The following GAS7 variants were observed in gnomAD, a reference collection of about 807,000 sequenced individuals.
GAS7 encodes the protein growth arrest-specific protein 7.
Under a neutral mutation model 71.1 loss-of-function variants are expected in GAS7, and 28 were observed. That is an observed-to-expected ratio of 0.39 (90% confidence interval 0.29 to 0.54). The LOEUF is 0.54. GAS7 is among the 20% of genes least tolerant of loss of function. The pLI is 0.62. For missense variants in GAS7, 436 were observed against 627.8 expected, an observed-to-expected ratio of 0.69 and a Z score of 3.27; for synonymous variants, 258 against 245.8, an observed-to-expected ratio of 1.05 and a Z score of -0.46.
chr17:10,049,046 G>T (rs754317657), intron 1 of GAS7, among the ~76,000 whole-genome samples: 1 of 152,216 alleles, frequency 6.6e-6, no homozygotes, highest in Non-Finnish European at 1.5e-5. Flanking sequence ...CATGTGTGAG[G>T]AGCACGCATA....
At chr17:10,111,974 C>T (rs2073817785) in intron 1 of GAS7, among the ~76,000 whole-genome samples, 1 of 152,098 alleles carries the variant, frequency 6.6e-6, no homozygotes, top group African/African-American at 2.4e-5. Context: ...CACATACAGC[C>T]CCTCAATATA....
At chr17:10,114,944 C>T (rs558268604) in intron 1 of GAS7, among the ~76,000 whole-genome samples, 1 of 152,292 alleles carries the variant, frequency 6.6e-6, no homozygotes, top group Admixed American at 6.5e-5. Flanking sequence ...GCTGCCTCCT[C>T]GCTCTGCCTC....
intron 1 of GAS7, among the ~76,000 whole-genome samples, chr17:10,158,829 A>T (rs1256192826): frequency 1.3e-5 from 2 of 151,628 alleles, no homozygotes; most frequent in African/African-American, 2.4e-5. Flanking sequence ...CCAAGGTGGG[A>T]GGATCATTTG....
chr17:10,122,894 G>T (rs1172463197), intron 1 of GAS7, among the ~76,000 whole-genome samples: 18 of 152,154 alleles, frequency 1.2e-4, no homozygotes, highest in Admixed American at 1.2e-3. Context: ...GCAGTGGCGT[G>T]ATCATGGCTC....
chr17:10,157,775 C>T (rs1448106355), intron 1 of GAS7, among the ~76,000 whole-genome samples: 1 of 152,184 alleles, frequency 6.6e-6, no homozygotes, highest in Non-Finnish European at 1.5e-5. Flanking sequence ...TTAGACATAT[C>T]ACCCTTAGGC....
intron 11 of GAS7, among the ~76,000 whole-genome samples, chr17:9,921,722 G>A (rs1467800811): frequency 6.6e-6 from 1 of 152,136 alleles, no homozygotes; most frequent in Non-Finnish European, 1.5e-5. Context: ...CACTTTGGGA[G>A]GCCGAGGCGG....
chr17:10,019,186 A>T (rs1031194931), intron 2 of GAS7, among the ~76,000 whole-genome samples: 4 of 152,126 alleles, frequency 2.6e-5, no homozygotes, highest in African/African-American at 9.7e-5. Context: ...GGTCCTATTC[A>T]ACTCAGATGC....
intron 5 of GAS7, among the ~76,000 whole-genome samples, chr17:9,955,748 C>T (rs1025530477): frequency 6.6e-6 from 1 of 152,214 alleles, no homozygotes; most frequent in Admixed American, 6.5e-5. Context: ...AGGGGCACGC[C>T]TCCCCGTGTG....
At position 9,926,916 on chromosome 17, in the gene GAS7, C is replaced by G. The variant is rs895788744; in HGVS notation, c.886-147G>C. Reference sequence around the variant, plus strand: ...CGACCTGGCAGGAAGGTGAGAGACACCCCCTGACACGTGGCTGCCTATCAG... The same window carrying G: ...CGACCTGGCAGGAAGGTGAGAGACAGCCCCTGACACGTGGCTGCCTATCAG... On this transcript the variant is annotated intron_variant, in intron 9 of 13. Coordinates refer to ENST00000432992, the MANE Select transcript of GAS7 (RefSeq NM_201433.2). The surrounding 1 kb of genome is among the most constrained non-coding windows in gnomAD (Gnocchi z 5.0). 9 of 761,868 alleles carry G rather than the reference C, an allele frequency of 1.2e-5. No homozygotes were observed. The highest frequency in any genetic ancestry group is 1.8e-5 in the Non-Finnish European group (8 of 451,052). 47.2% of individuals were successfully genotyped at this position (761,868 alleles called of 1,614,324 possible). A position where few individuals can be genotyped will look rare whatever the true frequency, so the allele number is the denominator to read the frequency against.
chr17:10,172,833 C>A (rs1029871240), intron 1 of GAS7, among the ~76,000 whole-genome samples: 1 of 152,220 alleles, frequency 6.6e-6, no homozygotes, highest in Non-Finnish European at 1.5e-5. Context: ...GCAGTCTCAA[C>A]AAAAGACTAA....
chr17:10,129,754 A>G (rs560458098), intron 1 of GAS7, among the ~76,000 whole-genome samples: 27 of 152,364 alleles, frequency 1.8e-4, no homozygotes, highest in African/African-American at 6.3e-4. Context: ...TTTGCAAACC[A>G]CGTATCTGAT....
chr17:10,046,685 G>A (rs376229368), intron 1 of GAS7, among the ~76,000 whole-genome samples: 3 of 147,286 alleles, frequency 2.0e-5, no homozygotes, highest in South Asian at 4.2e-4. Context: ...GCAGTGAGCC[G>A]AGATCACGCC....
intron 1 of GAS7, among the ~76,000 whole-genome samples, chr17:10,067,967 G>A (rs2073299701): frequency 6.6e-6 from 1 of 152,152 alleles, no homozygotes; most frequent in African/African-American, 2.4e-5. Flanking sequence ...ATCGGGGTGT[G>A]GCCTCTCTGA....
rs1158781563 is a variant in GAS7, at chr17:9,941,102, G to T, written c.732-902C>A. ...AGGGTGCGATGATGGAGAGAGGGCG[G>T]CTGACAAAGTCTGGCGGCAGCATTC... On this transcript the variant is annotated intron_variant, in intron 7 of 13. Coordinates refer to ENST00000432992, the MANE Select transcript of GAS7 (RefSeq NM_201433.2). Among the ~76,000 whole-genome samples, 3 of 152,306 alleles carry T rather than the reference G, an allele frequency of 2.0e-5. No homozygotes were observed. In the East Asian group the frequency reaches 5.8e-4, roughly 29 times the overall value.
At chr17:10,002,331 C>G (rs1003405260) in intron 2 of GAS7, among the ~76,000 whole-genome samples, 8 of 152,132 alleles carry the variant, frequency 5.3e-5, no homozygotes, top group African/African-American at 1.7e-4. Context: ...GTGTCTGTCT[C>G]TGAGTCCACA....
At chr17:9,985,256 T>C (rs186273448) in intron 2 of GAS7, among the ~76,000 whole-genome samples, 1 of 152,286 alleles carries the variant, frequency 6.6e-6, no homozygotes, top group East Asian at 1.9e-4. Flanking sequence ...CGGAGGTCAC[T>C]TCACAGCGAA....
chr17:9,956,200 G>C (rs1280349102), intron 5 of GAS7, among the ~76,000 whole-genome samples: 2 of 152,200 alleles, frequency 1.3e-5, no homozygotes, highest in African/African-American at 2.4e-5. Context: ...GCCTGCAGCA[G>C]AGAAGGGAAA....
At chr17:10,104,956 C>T (rs932719995) in intron 1 of GAS7, among the ~76,000 whole-genome samples, 1 of 152,194 alleles carries the variant, frequency 6.6e-6, no homozygotes, top group Non-Finnish European at 1.5e-5. Flanking sequence ...AGGCTTTGCA[C>T]TACTCCTAGA....
At chr17:10,003,682 C>A (rs1284694152) in intron 2 of GAS7, among the ~76,000 whole-genome samples, 2 of 152,194 alleles carry the variant, frequency 1.3e-5, no homozygotes, top group Admixed American at 1.3e-4. Context: ...CAGAAATATC[C>A]AGGGTGCCTG....
Sources: gnomAD v4.1 joint callset for allele counts (sites outside exome capture counted in the v4.1 genomes callset) on GRCh38, gnomAD v4.1.1 for gene constraint, Gnocchi (gnomAD v3.1) non-coding constraint, MANE v1.5 for transcripts, NCBI Gene and HGNC (gene_info 2026-07-23, HGNC 2026-07-21) for gene names.